The following OLAH variants were observed in gnomAD, a reference collection of about 807,000 sequenced individuals.
OLAH encodes oleoyl-ACP hydrolase.
In OLAH, 33 loss-of-function variants were observed where a neutral mutation model predicts 27.8. The observed-to-expected ratio is 1.19, with a 90% CI of 0.90 to 1.59. The LOEUF (loss-of-function observed/expected upper bound fraction) is 1.59, where lower values mean the gene tolerates loss of function less well. OLAH is among the 40% of genes most tolerant of loss of function. OLAH has a pLI of 0.00. For synonymous variants in OLAH, 120 were observed against 102.9 expected, an observed-to-expected ratio of 1.17 and a Z score of -1.01; for missense variants, 359 against 310.8, an observed-to-expected ratio of 1.16 and a Z score of -1.17.
chr10:15,064,554 G>A (rs761512105), intron 5 of OLAH, 52 bp downstream of exon 5: 1 of 1,023,358 alleles, frequency 9.8e-7, no homozygotes, highest in Non-Finnish European at 1.5e-6. Flanking sequence ...AGGGAAATGG[G>A]GATAAAAATA....
At chr10:15,051,768 A>G (rs1564528979) in intron 3 of OLAH, among the ~76,000 whole-genome samples, 1 of 152,140 alleles carries the variant, frequency 6.6e-6, no homozygotes, top group Non-Finnish European at 1.5e-5. Flanking sequence ...TCGTTTTGCC[A>G]AACTTTCCCT....
chr10:15,067,023 G>A (rs550085083), intron 6 of OLAH, among the ~76,000 whole-genome samples: 1 of 152,306 alleles, frequency 6.6e-6, no homozygotes, highest in African/African-American at 2.4e-5. Context: ...GATTTTACCT[G>A]TGCACATCAT....
intron 6 of OLAH, among the ~76,000 whole-genome samples, chr10:15,070,157 T>G (rs1844554751): frequency 6.6e-6 from 1 of 152,036 alleles, no homozygotes; most frequent in African/African-American, 2.4e-5. Flanking sequence ...GTTTTTTTTT[T>G]TTTTCCTCTC....
At chr10:15,065,817 G>A (rs2131374199) in intron 6 of OLAH, 64 bp downstream of exon 6, 2 of 1,464,756 alleles carry the variant, frequency 1.4e-6, no homozygotes, top group East Asian at 2.3e-5. Flanking sequence ...AACATAGATT[G>A]GCAGTGCTCT....
chr10:15,034,377 C>G (rs1351117272), intron 1 of OLAH, among the ~76,000 whole-genome samples: 1 of 152,006 alleles, frequency 6.6e-6, no homozygotes, highest in Non-Finnish European at 1.5e-5. Context: ...AGGTGATCTG[C>G]CCACCTCGGC....
At chr10:15,038,825 A>C (rs1045626219) in intron 1 of OLAH, 22 of 152,228 alleles carry the variant, frequency 1.4e-4, no homozygotes, top group Admixed American at 1.2e-3. Flanking sequence ...GGCATGTGGG[A>C]GAATTGATGA....
At chr10:15,062,679 C>A (rs796723528) in intron 4 of OLAH, among the ~76,000 whole-genome samples, 15 of 151,704 alleles carry the variant, frequency 9.9e-5, no homozygotes, top group African/African-American at 3.6e-4. Context: ...TGATTAACCT[C>A]CTTTTGTGGA....
In OLAH at chr10:15,073,325, C is replaced by A; in HGVS notation, c.*96C>A. 1 of 789,962 alleles carries A rather than the reference C, an allele frequency of 1.3e-6. No individual in the cohort carries two copies. Among genetic ancestry groups the A allele is most frequent in the Non-Finnish European group, 2.0e-6 (1 of 503,018 alleles). 48.9% of individuals were successfully genotyped at this position (789,962 alleles called of 1,614,324 possible). A position where few individuals can be genotyped will look rare whatever the true frequency, so the allele number is the denominator to read the frequency against. ...AGTTTTATTCAGATTGGAAATTACA[C>A]ATTTTCTACTGTCAGGGAGATTCGT... On this transcript the variant is annotated 3_prime_UTR_variant, in exon 8 of 8. Transcript: ENST00000378228.
Position 15,061,707 on chromosome 10 carries a change from T to C in OLAH, c.164-17T>C, listed in dbSNP as rs755745032. 3.2e-6 allele frequency: 5 copies of C among 1,585,136 alleles called. No homozygotes were observed. The highest frequency in any genetic ancestry group is 3.4e-6 in the Non-Finnish European group (4 of 1,167,466). On this transcript the variant is annotated splice_polypyrimidine_tract_variant and intron_variant, in intron 3 of 7. Coordinates refer to ENST00000378228, the MANE Select transcript of OLAH (RefSeq NM_001039702.3). ...TTCACTGTCTGTGCGTGTTCACTTG[T>C]GTTTCTCCATCTCCAGTGCACTCCT...
intron 1 of OLAH, among the ~76,000 whole-genome samples, chr10:15,037,576 G>C (rs886226985): frequency 1.6e-4 from 13 of 79,228 alleles, no homozygotes; most frequent in African/African-American, 3.9e-4. Flanking sequence ...GCGAGACTCC[G>C]TATCAAAAAA....
At chr10:15,040,913 A>C (rs960952436), upstream of OLAH, among the ~76,000 whole-genome samples, 2 of 152,078 alleles carry the variant, frequency 1.3e-5, no homozygotes, top group African/African-American at 4.8e-5. Context: ...AATTTTCCTC[A>C]ATCCTGCCTC....
At position 15,035,746 on chromosome 10, in the gene OLAH, G is replaced by A. The variant is rs538571988; in HGVS notation, c.-164+3396G>A. 6.8e-4 allele frequency among the ~76,000 whole-genome samples: 103 copies of A among 152,318 alleles called. 1 individual carries two copies. The highest frequency in any genetic ancestry group is 2.3e-3 in the African/African-American group (95 of 41,570). On this transcript the variant is annotated intron_variant, in intron 1 of 3. Transcript: ENST00000413672. ...CTCTGCATTGGGACGCCATGGGGAA[G>A]CACAGAGGTAGATCTGGCTCTTGGG... is the stretch of plus-strand genomic sequence containing the variant.
intron 3 of OLAH, chr10:15,056,805 T>G: frequency 6.9e-7 from 1 of 1,453,354 alleles, no homozygotes; most frequent in Non-Finnish European, 9.1e-7. Context: ...TAATTTTATT[T>G]TATTTTATTT....
chr10:15,037,197 C>T (rs1043276613), intron 1 of OLAH, among the ~76,000 whole-genome samples: 32 of 151,606 alleles, frequency 2.1e-4, no homozygotes, highest in African/African-American at 6.8e-4. Flanking sequence ...ACAGTAACCA[C>T]TAAAACAAGA....
At chr10:15,034,163 G>C (rs939880056) in intron 1 of OLAH, among the ~76,000 whole-genome samples, 2 of 149,540 alleles carry the variant, frequency 1.3e-5, no homozygotes, top group African/African-American at 5.0e-5. Context: ...ACCCAGGCTG[G>C]AGTGCAATGG....
chr10:15,039,409 C>G (rs1843888293), upstream of OLAH, among the ~76,000 whole-genome samples: 1 of 152,174 alleles, frequency 6.6e-6, no homozygotes, highest in South Asian at 2.1e-4. Flanking sequence ...GAAACCCCAT[C>G]TCTACTAAAA....
intron 6 of OLAH, among the ~76,000 whole-genome samples, chr10:15,068,780 G>A (rs1006022024): frequency 6.6e-6 from 1 of 152,176 alleles, no homozygotes; most frequent in African/African-American, 2.4e-5. Context: ...ATTTGAACAC[G>A]TCTCTGCTTT....
At chr10:15,040,326 T>C (rs187244842), upstream of OLAH, among the ~76,000 whole-genome samples, 450 of 152,246 alleles carry the variant, frequency 3.0e-3, 2 homozygotes, top group Non-Finnish European at 5.0e-3. Flanking sequence ...CCTATCCTCA[T>C]TGCCACAGAA....
At position 15,072,002 on chromosome 10, in the gene OLAH, C is replaced by T. The variant is rs1380636979; in HGVS notation, c.655+125C>T. On this transcript the variant is annotated intron_variant, in intron 7 of 7. Coordinates refer to ENST00000378228, the MANE Select transcript of OLAH (RefSeq NM_001039702.3). Reference sequence around the variant, plus strand: ...AGGCTGGAGTGCAATGGCGCAATCTCAGCTCATTGCAACCTCCGCCTCCCA... The same window carrying T: ...AGGCTGGAGTGCAATGGCGCAATCTTAGCTCATTGCAACCTCCGCCTCCCA... 8 of 624,054 alleles carry T rather than the reference C, an allele frequency of 1.3e-5. No homozygotes were observed. In the Admixed American group the frequency reaches 1.6e-4, roughly 13 times the overall value. 38.7% of individuals were successfully genotyped at this position (624,054 alleles called of 1,614,324 possible). A position where few individuals can be genotyped will look rare whatever the true frequency, so the allele number is the denominator to read the frequency against.
Sources: allele counts gnomAD v4.1 joint callset (sites outside exome capture counted in the v4.1 genomes callset), GRCh38; gene constraint gnomAD v4.1.1; transcripts MANE v1.5; gene names NCBI Gene and HGNC (gene_info 2026-07-23, HGNC 2026-07-21).